Variants in GALNT18 observed in about 807,000 individuals in gnomAD.
GALNT18 encodes the protein polypeptide N-acetylgalactosaminyltransferase 18, also known as GalNAc-transferase 18.
A neutral mutation model predicts 69.5 loss-of-function variants in GALNT18; 44 were observed. The ratio of observed to expected loss-of-function variants is 0.63; its 90% confidence interval spans 0.50 to 0.81. The LOEUF (loss-of-function observed/expected upper bound fraction) is 0.81. Ranked by LOEUF, GALNT18 falls within the 40% of genes least tolerant of loss-of-function variation. The pLI is 0.00. For missense variants in GALNT18, 715 were observed against 810.0 expected, an observed-to-expected ratio of 0.88 and a Z score of 1.42; for synonymous variants, 364 against 318.2, an observed-to-expected ratio of 1.14 and a Z score of -1.53.
In GALNT18 at chr11:11,469,203, T is replaced by C. The variant is rs1354028001; in HGVS notation, c.236-20267A>G. Among the ~76,000 whole-genome samples, 2 of 152,206 alleles carry C rather than the reference T, an allele frequency of 1.3e-5. No individual in the cohort carries two copies. On this transcript the variant is annotated intron_variant, in intron 1 of 10. Coordinates refer to ENST00000227756, the MANE Select transcript of GALNT18 (RefSeq NM_198516.3). The surrounding 1 kb of genome is among the most constrained non-coding windows in gnomAD (Gnocchi z 4.2). ...TATAAACATAAAGAAGCCCGTCTGC[T>C]TTCTTGCCTCTGTGAATGTCTCAGA...
chr11:11,326,190 G>A (rs933552982), intron 9 of GALNT18, among the ~76,000 whole-genome samples: 38 of 151,790 alleles, frequency 2.5e-4, no homozygotes, highest in South Asian at 4.2e-4. Context: ...GACTACAGGC[G>A]CCCGCCACCA....
intron 1 of GALNT18, among the ~76,000 whole-genome samples, chr11:11,597,760 A>G (rs1859536832): frequency 6.6e-6 from 1 of 151,284 alleles, no homozygotes; most frequent in Admixed American, 6.6e-5. Flanking sequence ...TCCCAGGTTC[A>G]TAGCATTCTC....
At position 11,435,062 on chromosome 11, in the gene GALNT18, T is replaced by C. The variant is rs1470765164; in HGVS notation, c.429-2275A>G. Among the ~76,000 whole-genome samples, 1 of 152,220 alleles carries C rather than the reference T, an allele frequency of 6.6e-6. No individual in the cohort carries two copies. Among genetic ancestry groups the C allele is most frequent in the East Asian group, 1.9e-4 (1 of 5,190 alleles). On this transcript the variant is annotated intron_variant, in intron 2 of 10. Transcript: ENST00000227756. This position sits in a 1 kb window ranked among gnomAD's most constrained non-coding sequence, Gnocchi z 4.4. ...ATGAATTCTTCTTTTATATAAAGTA[T>C]AATAGACAGCTCCCAAGAAGGCCAA...
At chr11:11,352,988 T>C (rs778898420) in intron 6 of GALNT18, 2 of 1,614,204 alleles carry the variant, frequency 1.2e-6, no homozygotes, top group Non-Finnish European at 1.7e-6. Flanking sequence ...CTCGGCCTAA[T>C]TTTCGAACCA....
chr11:11,406,396 CA>C (rs1201883175), intron 3 of GALNT18, among the ~76,000 whole-genome samples: 5 of 152,300 alleles, frequency 3.3e-5, no homozygotes, highest in Admixed American at 3.3e-4. Context: ...TGACAACTAT[CA>C]AATTACAGTT....
At chr11:11,545,705 G>T (rs1238665794) in intron 1 of GALNT18, among the ~76,000 whole-genome samples, 1 of 152,228 alleles carries the variant, frequency 6.6e-6, no homozygotes, top group African/African-American at 2.4e-5. Flanking sequence ...GAGTGCATGT[G>T]TAAAGGTCAG....
chr11:11,548,575 G>A (rs538750793), intron 1 of GALNT18, among the ~76,000 whole-genome samples: 4 of 152,186 alleles, frequency 2.6e-5, no homozygotes, highest in Non-Finnish European at 5.9e-5. Flanking sequence ...ATTTGCCAGA[G>A]GGAAGGCCTC....
At chr11:11,331,014 G>A (rs1417281516) in intron 8 of GALNT18, among the ~76,000 whole-genome samples, 1 of 152,192 alleles carries the variant, frequency 6.6e-6, no homozygotes, top group Non-Finnish European at 1.5e-5. Flanking sequence ...CTCCTTTTAG[G>A]ATTGGGTTCA....
intron 1 of GALNT18, among the ~76,000 whole-genome samples, chr11:11,533,713 T>C (rs1036884497): frequency 6.6e-6 from 1 of 152,226 alleles, no homozygotes; most frequent in African/African-American, 2.4e-5. Flanking sequence ...AACTAAGTTA[T>C]GGATAAAAGA....
chr11:11,344,228 C>T (rs187824555), intron 6 of GALNT18, among the ~76,000 whole-genome samples: 16 of 147,210 alleles, frequency 1.1e-4, no homozygotes, highest in South Asian at 2.2e-4. Flanking sequence ...GCTGTAGCCA[C>T]GCTATTTTTT....
intron 3 of GALNT18, among the ~76,000 whole-genome samples, chr11:11,385,531 G>A (rs1854035404): frequency 2.0e-5 from 3 of 152,104 alleles, no homozygotes; most frequent in Non-Finnish European, 4.4e-5. Context: ...TCCTGACCTT[G>A]TGATCTGCCC....
intron 10 of GALNT18, among the ~76,000 whole-genome samples, chr11:11,288,007 TC>T: frequency 6.6e-6 from 1 of 152,272 alleles, no homozygotes; most frequent in South Asian, 2.1e-4. Context: ...TCCTATCTCT[TC>T]CCGGGACAAT....
Position 11,430,150 on chromosome 11 carries a change from A to G in GALNT18, c.595+2471T>C, listed in dbSNP as rs755144723. ...TGTCTCAAAAAAAACCAAAATAAAA[A>G]AAAGAATGCTTTTTAAAACAGCGAT... On this transcript the variant is annotated intron_variant, in intron 3 of 10. Coordinates refer to ENST00000227756, the MANE Select transcript of GALNT18 (RefSeq NM_198516.3). This position sits in a 1 kb window ranked among gnomAD's most constrained non-coding sequence, Gnocchi z 4.9. Among the ~76,000 whole-genome samples, 18 of 152,186 alleles carry G rather than the reference A, an allele frequency of 1.2e-4. No homozygotes were observed. Among genetic ancestry groups the G allele is most frequent in the Non-Finnish European group, 2.5e-4 (17 of 68,038 alleles).
intron 1 of GALNT18, among the ~76,000 whole-genome samples, chr11:11,513,752 T>C (rs1312789879): frequency 6.6e-6 from 1 of 152,254 alleles, no homozygotes; most frequent in Non-Finnish European, 1.5e-5. Flanking sequence ...ATGTCTCCAA[T>C]GACATTTCTT....
At position 11,613,492 on chromosome 11, in the gene GALNT18, AG is replaced by A. The variant is rs1203072746; in HGVS notation, c.235+7866del. 6.6e-6 allele frequency among the ~76,000 whole-genome samples: 1 copy of A among 152,242 alleles called. No homozygotes were observed. Among genetic ancestry groups the A allele is most frequent in the Non-Finnish European group, 1.5e-5 (1 of 68,036 alleles). On this transcript the variant is annotated intron_variant, in intron 1 of 10. Transcript: ENST00000227756. This position sits in a 1 kb window ranked among gnomAD's most constrained non-coding sequence, Gnocchi z 4.2. ...AAGTAGGAAAATAAAGGGTGGAGTAAGAATGAATGCAATGTGTTAGGAGGTG... is the reference window on the plus strand; with the variant it reads ...AAGTAGGAAAATAAAGGGTGGAGTAAAATGAATGCAATGTGTTAGGAGGTG...
intron 1 of GALNT18, among the ~76,000 whole-genome samples, chr11:11,567,187 T>C (rs927973348): frequency 3.3e-5 from 5 of 152,198 alleles, no homozygotes; most frequent in African/African-American, 1.2e-4. Flanking sequence ...TGGAAGCCTA[T>C]AGGTGATTTA....
At chr11:11,386,117 T>G (rs1854051097) in intron 3 of GALNT18, among the ~76,000 whole-genome samples, 2 of 152,204 alleles carry the variant, frequency 1.3e-5, no homozygotes, top group Non-Finnish European at 2.9e-5. Flanking sequence ...TATGAAACAA[T>G]GTCTGTTGGT....
intron 1 of GALNT18, among the ~76,000 whole-genome samples, chr11:11,578,503 T>C (rs1018135692): frequency 1.3e-5 from 2 of 152,196 alleles, no homozygotes; most frequent in African/African-American, 4.8e-5. Context: ...CACCTGGTAA[T>C]GTGTGCAATG....
chr11:11,451,106 GAC>G (rs1340393840), intron 1 of GALNT18, among the ~76,000 whole-genome samples: 1 of 152,188 alleles, frequency 6.6e-6, no homozygotes, highest in African/African-American at 2.4e-5. Flanking sequence ...ACTCTTCTAA[GAC>G]ACAGCATTGT....
Sources: gnomAD v4.1 joint callset for allele counts (sites outside exome capture counted in the v4.1 genomes callset) on GRCh38, gnomAD v4.1.1 for gene constraint, Gnocchi (gnomAD v3.1) non-coding constraint, MANE v1.5 for transcripts, NCBI Gene and HGNC (gene_info 2026-07-23, HGNC 2026-07-21) for gene names.